The following LPP variants were observed in gnomAD, a reference collection of about 807,000 sequenced individuals.
The protein encoded by LPP is lipoma-preferred partner.
A neutral mutation model predicts 60.4 loss-of-function variants in LPP; 38 were observed. The ratio of observed to expected loss-of-function variants is 0.63; its 90% CI spans 0.49 to 0.83. The LOEUF is 0.83. Ranked by LOEUF, LPP falls within the 40% of genes least tolerant of loss-of-function variation. The pLI, the probability that LPP is intolerant of heterozygous loss-of-function variation, is 0.00. For missense variants in LPP, 902 were observed against 783.6 expected (o/e 1.15, Z -1.80); for synonymous variants, 328 against 290.8 (o/e 1.13, Z -1.30).
Position 188,825,805 on chromosome 3 carries a change from TTTAAGGGCAATC to T in LPP, c.1411-40387_1411-40376del, listed in dbSNP as rs1253285730. Among the ~76,000 whole-genome samples, 7 of 152,244 alleles carry T rather than the reference TTTAAGGGCAATC, an allele frequency of 4.6e-5. No homozygotes were observed. The East Asian group carries it at 9.7e-4, about 21-fold the overall frequency. ...TGTTTGTTTTGCCAGATACTTAAGA[TTTAAGGGCAATC>T]TTAAGGGAAATCTCTTCTCCCATCT... On this transcript the variant is annotated intron_variant, in intron 9 of 11. Transcript: ENST00000617246.
chr3:188,661,316 T>C (rs1854528066), intron 7 of LPP, among the ~76,000 whole-genome samples: 2 of 152,254 alleles, frequency 1.3e-5, no homozygotes, highest in Admixed American at 1.3e-4. Context: ...TGCTGGTTTC[T>C]TTGTAGACAT....
At chr3:188,192,374 G>T (rs1170335852) in intron 1 of LPP, among the ~76,000 whole-genome samples, 1 of 152,202 alleles carries the variant, frequency 6.6e-6, no homozygotes, top group East Asian at 1.9e-4. Context: ...TTGTGCTCAG[G>T]TAATTGTGAG....
intron 2 of LPP, among the ~76,000 whole-genome samples, chr3:188,336,918 C>G (rs1761812712): frequency 6.6e-6 from 1 of 152,128 alleles, no homozygotes; most frequent in Non-Finnish European, 1.5e-5. Flanking sequence ...GCCTGGGGGA[C>G]ATGACTTTTC....
At chr3:188,868,768 C>T (rs1387052622) in intron 10 of LPP, among the ~76,000 whole-genome samples, 3 of 152,204 alleles carry the variant, frequency 2.0e-5, no homozygotes, top group Non-Finnish European at 4.4e-5. Context: ...TTGAATGGGT[C>T]TCCTTTTGTG....
chr3:188,334,645 G>A (rs1381368996), intron 2 of LPP, among the ~76,000 whole-genome samples: 2 of 151,990 alleles, frequency 1.3e-5, no homozygotes, highest in African/African-American at 4.8e-5. Context: ...TGGCCAGGAT[G>A]GTCTCCTTCT....
chr3:188,868,613 G>A (rs1767268120), intron 10 of LPP, among the ~76,000 whole-genome samples: 1 of 152,162 alleles, frequency 6.6e-6, no homozygotes, highest in Non-Finnish European at 1.5e-5. Context: ...CTGTTTTATG[G>A]AACTCTTATT....
intron 4 of LPP, among the ~76,000 whole-genome samples, chr3:188,447,288 T>G (rs1265000962): frequency 6.6e-6 from 1 of 152,138 alleles, no homozygotes; most frequent in African/African-American, 2.4e-5. Flanking sequence ...AATCACTTGA[T>G]TTTACAGGGC....
At chr3:188,649,459 C>G (rs1289535192) in intron 7 of LPP, among the ~76,000 whole-genome samples, 2 of 152,160 alleles carry the variant, frequency 1.3e-5, no homozygotes, top group Non-Finnish European at 2.9e-5. Context: ...CTCAGCCTCA[C>G]CAAAGGGGAC....
chr3:188,839,249 C>T (rs987080787), intron 9 of LPP, among the ~76,000 whole-genome samples: 2 of 152,158 alleles, frequency 1.3e-5, no homozygotes, highest in Non-Finnish European at 2.9e-5. Flanking sequence ...AGCATATAAA[C>T]AGGGAAAACA....
chr3:188,419,549 T>C (rs953024262), intron 4 of LPP, among the ~76,000 whole-genome samples: 2 of 152,200 alleles, frequency 1.3e-5, no homozygotes, highest in Non-Finnish European at 2.9e-5. Flanking sequence ...CTCTGGAAAC[T>C]TGGACTCACC....
chr3:188,465,572 A>G (rs1228857364), intron 4 of LPP, among the ~76,000 whole-genome samples: 3 of 152,172 alleles, frequency 2.0e-5, no homozygotes, highest in Non-Finnish European at 4.4e-5. Flanking sequence ...GTGTAGAACA[A>G]TGTGTCGAAA....
In LPP at chr3:188,623,203, A is replaced by G. The variant is rs183076327; in HGVS notation, c.1113+13359A>G. ...CACCCAATTAGTTATTATTTCCTGT[A>G]TGTGTTGCCTTCATGGACATTGGTT... On this transcript the variant is annotated intron_variant, in intron 7 of 11. Transcript: ENST00000617246. Among the ~76,000 whole-genome samples the G allele has an allele frequency of 5.3e-5, 8 of 151,204 alleles. No homozygotes were observed. The South Asian group carries it at 1.0e-3, about 20-fold the overall frequency.
chr3:188,570,346 G>T (rs887314123), intron 6 of LPP, among the ~76,000 whole-genome samples: 1 of 151,956 alleles, frequency 6.6e-6, no homozygotes, highest in Non-Finnish European at 1.5e-5. Context: ...TCTCTCTCCT[G>T]GAAGTCATTG....
intron 3 of LPP, among the ~76,000 whole-genome samples, chr3:188,387,213 A>G (rs1219123813): frequency 6.6e-6 from 1 of 152,132 alleles, no homozygotes; most frequent in Non-Finnish European, 1.5e-5. Flanking sequence ...TTACACCTAC[A>G]GAACATGTAG....
intron 3 of LPP, among the ~76,000 whole-genome samples, chr3:188,387,893 T>C (rs1174776088): frequency 6.7e-6 from 1 of 148,398 alleles, no homozygotes; most frequent in African/African-American, 2.5e-5. Context: ...TGGTTATTTC[T>C]ATCTATTGAT....
intron 5 of LPP, among the ~76,000 whole-genome samples, chr3:188,485,682 A>T (rs1224814115): frequency 1.3e-5 from 2 of 148,870 alleles, no homozygotes; most frequent in Non-Finnish European, 3.0e-5. Context: ...CTGTAGTCCC[A>T]GCTACTTGGG....
chr3:188,833,461 A>C (rs1757592380), intron 9 of LPP, among the ~76,000 whole-genome samples: 1 of 152,212 alleles, frequency 6.6e-6, no homozygotes, highest in South Asian at 2.1e-4. Flanking sequence ...GGAGCGTTGG[A>C]TCCTAGAGGC....
At chr3:188,533,679 A>G (rs919506448) in intron 6 of LPP, among the ~76,000 whole-genome samples, 4 of 152,216 alleles carry the variant, frequency 2.6e-5, no homozygotes, top group African/African-American at 9.7e-5. Flanking sequence ...CACCATTTTA[A>G]AAGAGAAAGG....
Position 188,267,139 on chromosome 3 carries a change from G to GGTC in LPP, c.-67+41613_-67+41615dup, listed in dbSNP as rs1407568332. Among the ~76,000 whole-genome samples, 3 of 152,248 alleles carry GGTC rather than the reference G, an allele frequency of 2.0e-5. No homozygotes were observed. The East Asian group carries it at 5.8e-4, about 29-fold the overall frequency. On this transcript the variant is annotated intron_variant, in intron 2 of 11. Transcript: ENST00000617246. ...GGAGTGTGGTGGAGAGACGTGAAGG[G>GGTC]GTCAGTTCCTGGAACATTCTGTTCC...
Sources: gnomAD v4.1 joint callset for allele counts (sites outside exome capture counted in the v4.1 genomes callset) on GRCh38, gnomAD v4.1.1 for gene constraint, MANE v1.5 for transcripts, NCBI Gene and HGNC (gene_info 2026-07-23, HGNC 2026-07-21) for gene names.